CFAP107: variants seen among roughly 807,000 people sequenced by gnomAD.
CFAP107 encodes cilia and flagella associated protein 107, also known as cilia- and flagella-associated protein 107.
At chr1:12,760,526 C>T in the CFAP107 span, among the ~76,000 whole-genome samples, 4 of 152,316 alleles carry the variant, frequency 2.6e-5, no homozygotes, top group Admixed American at 1.3e-4. Context: ...CCAAGGCCCC[C>T]GTGGCAGAGC....
chr1:12,747,356 ACT>A, the CFAP107 span, among the ~76,000 whole-genome samples: 1 of 152,204 alleles, frequency 6.6e-6, no homozygotes, highest in Admixed American at 6.5e-5. Flanking sequence ...GGCATGAGCC[ACT>A]GTGCCTGGCC....
the CFAP107 span, among the ~76,000 whole-genome samples, chr1:12,751,957 A>T: frequency 3.4e-4 from 52 of 152,200 alleles, no homozygotes; most frequent in Non-Finnish European, 6.6e-4. Context: ...AAGAGATTGA[A>T]TTAGTAACCA....
the CFAP107 span, among the ~76,000 whole-genome samples, chr1:12,760,480 G>A: frequency 3.3e-5 from 5 of 152,266 alleles, no homozygotes; most frequent in East Asian, 1.9e-4. Flanking sequence ...CAGGACCAGC[G>A]AGGCCACGCA....
the CFAP107 span, among the ~76,000 whole-genome samples, chr1:12,748,702 G>C: frequency 1.8e-4 from 28 of 152,042 alleles, no homozygotes; most frequent in African/African-American, 6.3e-4. Flanking sequence ...AAAAAAAGTG[G>C]CCCATCCAAA....
At chr1:12,748,899 G>A in the CFAP107 span, among the ~76,000 whole-genome samples, 1 of 152,178 alleles carries the variant, frequency 6.6e-6, no homozygotes, top group Non-Finnish European at 1.5e-5. Flanking sequence ...AGTCAAACCA[G>A]TTTTAGAGCT....
chr1:12,756,665 C>G, the CFAP107 span, among the ~76,000 whole-genome samples: 1 of 152,194 alleles, frequency 6.6e-6, no homozygotes, highest in African/African-American at 2.4e-5. Flanking sequence ...CCTGACCCTA[C>G]TATACCTGCT....
At chr1:12,748,351 G>A in the CFAP107 span, among the ~76,000 whole-genome samples, 1 of 151,718 alleles carries the variant, frequency 6.6e-6, no homozygotes, top group Non-Finnish European at 1.5e-5. Flanking sequence ...TGGGGCAAGA[G>A]ATTATGGATA....
At chr1:12,762,463 G>A in the CFAP107 span, 1 of 151,798 alleles carries the variant, frequency 6.6e-6, no homozygotes, top group South Asian at 2.1e-4. Context: ...CCAACTGAAA[G>A]TCAGAGCCTG....
the CFAP107 span, among the ~76,000 whole-genome samples, chr1:12,760,365 A>G: frequency 6.6e-6 from 1 of 152,228 alleles, no homozygotes; most frequent in Non-Finnish European, 1.5e-5. Context: ...GACACAGGTC[A>G]GAGGATGAGC....
At chr1:12,760,785 A>G in the CFAP107 span, 29 of 1,613,648 alleles carry the variant, frequency 1.8e-5, no homozygotes, top group Non-Finnish European at 2.3e-5. Flanking sequence ...CCTACAAACT[A>G]TGGACTCTAT....
chr1:12,751,859 C>T, the CFAP107 span, among the ~76,000 whole-genome samples: 1,071 of 152,062 alleles, frequency 7.0e-3, 13 homozygotes, highest in African/African-American at 0.025. Context: ...TATAATTCTC[C>T]ATGAAATGGA....
chr1:12,760,888 G>A, the CFAP107 span: 271 of 1,614,102 alleles, frequency 1.7e-4, no homozygotes, highest in Middle Eastern at 6.6e-4. Flanking sequence ...TGTGCGCTAT[G>A]TCCTGGAGGG....
the CFAP107 span, among the ~76,000 whole-genome samples, chr1:12,749,140 T>A: frequency 6.6e-6 from 1 of 152,154 alleles, no homozygotes; most frequent in Non-Finnish European, 1.5e-5. Context: ...TTCCCAAATT[T>A]GAGTAAATAC....
the CFAP107 span, among the ~76,000 whole-genome samples, chr1:12,757,376 CCTTTTTTT>C: frequency 7.7e-6 from 1 of 130,208 alleles, no homozygotes; most frequent in Non-Finnish European, 1.6e-5. Flanking sequence ...TCTTTTTTTT[CCTTTTTTT>C]CTTTTCTTTT....
At chr1:12,748,475 A>C in the CFAP107 span, among the ~76,000 whole-genome samples, 4 of 142,214 alleles carry the variant, frequency 2.8e-5, no homozygotes, top group Admixed American at 1.4e-4. Flanking sequence ...AAAAAAAAAA[A>C]AAAAACCACA....
chr1:12,752,555 T>TAAAA, the CFAP107 span, among the ~76,000 whole-genome samples: 4 of 46,662 alleles, frequency 8.6e-5, no homozygotes, highest in African/African-American at 2.5e-4. Context: ...CGACTCTGTC[T>TAAAA]AAAAAAAAAA....
At chr1:12,750,313 TA>T in the CFAP107 span, among the ~76,000 whole-genome samples, 7 of 152,036 alleles carry the variant, frequency 4.6e-5, no homozygotes, top group South Asian at 1.5e-3. Context: ...AGAGAACAAA[TA>T]AGGGGCAAAA....
chr1:12,762,104 TG>T, the CFAP107 span: 5 of 152,264 alleles, frequency 3.3e-5, no homozygotes, highest in African/African-American at 1.2e-4. Flanking sequence ...ACTCCCAGTA[TG>T]GGAGCCTGAG....
the CFAP107 span, chr1:12,761,372 GGTT>G: frequency 6.4e-6 from 1 of 155,622 alleles, no homozygotes; most frequent in African/African-American, 2.4e-5. Context: ...GACTGAATGT[GGTT>G]CCCAGGAGGG....
Sources: allele counts gnomAD v4.1 joint callset (sites outside exome capture counted in the v4.1 genomes callset), GRCh38; gene constraint gnomAD v4.1.1; transcripts MANE v1.5; gene names NCBI Gene and HGNC (gene_info 2026-07-23, HGNC 2026-07-21).